TTC28: variants seen among roughly 807,000 people sequenced by gnomAD.
TTC28 encodes the protein tetratricopeptide repeat protein 28.
In TTC28, 61 loss-of-function variants were observed where a neutral mutation model predicts 198.0. That is an observed-to-expected ratio of 0.31 (90% confidence interval 0.25 to 0.38). The LOEUF is 0.38. Among genes scored for constraint, TTC28 ranks in the 10% least tolerant of loss-of-function variants. TTC28 has a pLI of 1.00. For synonymous variants in TTC28, 1,171 were observed against 1,297.8 expected (o/e 0.90, Z 2.10); for missense variants, 2,678 against 3,164.0 (o/e 0.85, Z 3.69).
At chr22:28,314,639 C>T (rs1048836646) in intron 2 of TTC28, among the ~76,000 whole-genome samples, 3 of 152,112 alleles carry the variant, frequency 2.0e-5, no homozygotes, top group Admixed American at 6.6e-5. Context: ...GCATTGATCT[C>T]GCTGGGAGCT....
chr22:28,650,572 T>G (rs1418897862), intron 1 of TTC28, among the ~76,000 whole-genome samples: 1 of 152,110 alleles, frequency 6.6e-6, no homozygotes, highest in Non-Finnish European at 1.5e-5. Context: ...CATGAGATAA[T>G]TAGAAGGAAG....
At chr22:28,636,925 A>C (rs1219195969) in intron 1 of TTC28, among the ~76,000 whole-genome samples, 1 of 151,992 alleles carries the variant, frequency 6.6e-6, no homozygotes, top group Non-Finnish European at 1.5e-5. Context: ...GTCACATCCA[A>C]AAAATCATTG....
chr22:28,262,417 G>A (rs563934277), intron 5 of TTC28, among the ~76,000 whole-genome samples: 10 of 152,154 alleles, frequency 6.6e-5, no homozygotes, highest in East Asian at 1.9e-4. Flanking sequence ...TCCATATGGC[G>A]GTATGGCTTC....
At chr22:28,557,520 C>T (rs999761409) in intron 2 of TTC28, among the ~76,000 whole-genome samples, 19 of 152,180 alleles carry the variant, frequency 1.2e-4, no homozygotes, top group Admixed American at 1.1e-3. Context: ...ATTTTCAAAT[C>T]TTCTTGGTCA....
At chr22:28,221,152 T>A (rs1927822226) in intron 5 of TTC28, among the ~76,000 whole-genome samples, 1 of 152,014 alleles carries the variant, frequency 6.6e-6, no homozygotes. Flanking sequence ...GAAAGAAGAA[T>A]ACGGGCCCTA....
In TTC28 at chr22:28,209,786, T is replaced by C. The variant is rs140863394; in HGVS notation, c.934-46187A>G. Among the ~76,000 whole-genome samples, 1,352 of 152,034 alleles carry C rather than the reference T, an allele frequency of 8.9e-3. 13 individuals are homozygous for C. Among genetic ancestry groups the C allele is most frequent in the Non-Finnish European group, 0.013 (911 of 67,962 alleles). On this transcript the variant is annotated intron_variant, in intron 5 of 22. Coordinates refer to ENST00000397906, the MANE Select transcript of TTC28 (RefSeq NM_001145418.2). ...TCCCTGTCTGACACTTTGAAGAGAG[T>C]AGTGGTTCTCTCAGCACGGAGTTTG...
chr22:28,492,985 A>C (rs1761148697), intron 2 of TTC28, among the ~76,000 whole-genome samples: 1 of 151,244 alleles, frequency 6.6e-6, no homozygotes, highest in South Asian at 2.1e-4. Context: ...CCAGAGATTG[A>C]GCACTGAAAA....
rs187163530 is a variant in TTC28, at chr22:28,169,314, G to C, written c.934-5715C>G. 2.8e-3 allele frequency among the ~76,000 whole-genome samples: 423 copies of C among 152,174 alleles called. 3 individuals carry two copies. The highest frequency in any genetic ancestry group is 7.8e-3 in the African/African-American group (322 of 41,526). ...GAAATACCATTTGACCCAGCCATCC[G>C]ATTACTGGGTATATACCCAAAGGAT... On this transcript the variant is annotated intron_variant, in intron 5 of 22. Coordinates refer to ENST00000397906, the MANE Select transcript of TTC28 (RefSeq NM_001145418.2).
At chr22:28,524,642 T>G (rs1285153049) in intron 2 of TTC28, among the ~76,000 whole-genome samples, 1 of 151,844 alleles carries the variant, frequency 6.6e-6, no homozygotes, top group Non-Finnish European at 1.5e-5. Flanking sequence ...TTTAAAAAAA[T>G]TAATGGTATC....
intron 2 of TTC28, among the ~76,000 whole-genome samples, chr22:28,552,467 G>A (rs2049692264): frequency 6.6e-6 from 1 of 152,090 alleles, no homozygotes; most frequent in African/African-American, 2.4e-5. Context: ...TCACATTACT[G>A]ACTTCAAAGT....
intron 5 of TTC28, among the ~76,000 whole-genome samples, chr22:28,191,012 T>G (rs1239547999): frequency 1.3e-5 from 2 of 152,162 alleles, no homozygotes; most frequent in African/African-American, 4.8e-5. Flanking sequence ...ATCTAACCCC[T>G]AGGCCTGGCA....
chr22:28,114,668 C>A (rs1260213432), intron 6 of TTC28, among the ~76,000 whole-genome samples: 2 of 151,250 alleles, frequency 1.3e-5, no homozygotes, highest in Non-Finnish European at 2.9e-5. Flanking sequence ...CAGCCTCAAT[C>A]GCCCAGGCTC....
chr22:28,452,446 A>G (rs1395843331), intron 2 of TTC28, among the ~76,000 whole-genome samples: 1 of 151,450 alleles, frequency 6.6e-6, no homozygotes, highest in Non-Finnish European at 1.5e-5. Context: ...GCTATGGTGA[A>G]AGAGACATAG....
chr22:28,064,247 C>T (rs1352496912), intron 12 of TTC28, among the ~76,000 whole-genome samples: 1 of 152,106 alleles, frequency 6.6e-6, no homozygotes, highest in African/African-American at 2.4e-5. Flanking sequence ...AAAGAATGCA[C>T]TAGAACTCCA....
At chr22:28,055,824 C>T (rs16985921) in intron 12 of TTC28, among the ~76,000 whole-genome samples, 2,331 of 152,220 alleles carry the variant, frequency 0.015, 81 homozygotes, top group African/African-American at 0.054. Context: ...ACCCATCTGT[C>T]ACTCATACCG....
chr22:28,465,364 TC>T (rs1403637073), intron 2 of TTC28, among the ~76,000 whole-genome samples: 1 of 152,000 alleles, frequency 6.6e-6, no homozygotes, highest in African/African-American at 2.4e-5. Flanking sequence ...CGTGGCTCAC[TC>T]CTGTAATCCT....
intron 1 of TTC28, among the ~76,000 whole-genome samples, chr22:28,657,907 T>A (rs2051685680): frequency 6.6e-6 from 1 of 151,976 alleles, no homozygotes; most frequent in Non-Finnish European, 1.5e-5. Flanking sequence ...TGATTGAAGC[T>A]CAAAAATATG....
At chr22:28,393,171 C>T (rs1407998572) in intron 2 of TTC28, among the ~76,000 whole-genome samples, 1 of 152,138 alleles carries the variant, frequency 6.6e-6, no homozygotes, top group Non-Finnish European at 1.5e-5. Flanking sequence ...AGATGTGAGC[C>T]ACCAAGCCTG....
intron 6 of TTC28, among the ~76,000 whole-genome samples, chr22:28,142,519 T>C (rs1048375134): frequency 1.3e-5 from 2 of 152,168 alleles, no homozygotes; most frequent in Admixed American, 1.3e-4. Flanking sequence ...CAGACACAAA[T>C]ATTTGGGCCA....
Sources: allele counts gnomAD v4.1 joint callset (sites outside exome capture counted in the v4.1 genomes callset), GRCh38; gene constraint gnomAD v4.1.1; transcripts MANE v1.5; gene names NCBI Gene and HGNC (gene_info 2026-07-23, HGNC 2026-07-21).